HMMR: variants seen among roughly 807,000 people sequenced by gnomAD.
The protein encoded by HMMR is hyaluronan mediated motility receptor, also known as intracellular hyaluronic acid-binding protein.
In HMMR, 108 loss-of-function variants were observed where a neutral mutation model predicts 101.0. That is an observed-to-expected ratio of 1.07 (90% CI 0.92 to 1.25). The LOEUF (loss-of-function observed/expected upper bound fraction) is 1.25. HMMR is among the 50% of genes most tolerant of loss of function. HMMR has a pLI of 0.00. For missense variants in HMMR, 813 were observed against 788.7 expected, an observed-to-expected ratio of 1.03 and a Z score of -0.37; for synonymous variants, 296 against 276.4, an observed-to-expected ratio of 1.07 and a Z score of -0.70.
At chr5:163,486,112 G>T (rs1315274731) in intron 16 of HMMR, among the ~76,000 whole-genome samples, 1 of 152,094 alleles carries the variant, frequency 6.6e-6, no homozygotes, top group Non-Finnish European at 1.5e-5. Flanking sequence ...ATATGGTTTT[G>T]TCTATTCTGG....
At chr5:163,478,860 C>T in intron 12 of HMMR, 60 bp downstream of exon 12, 1 of 905,422 alleles carries the variant, frequency 1.1e-6, no homozygotes, top group Admixed American at 1.7e-5. Flanking sequence ...GGTGTTTACC[C>T]CAGGAAATAT....
chr5:163,475,603 T>C lies in HMMR; in HGVS notation c.1199T>C (p.Val400Ala), dbSNP rs746574332. ...QQKEEQAERL[V>A]KQLEEEAKSR... The stretch of plus-strand genomic sequence containing the variant: ...AAGGAGGAACAAGCTGAAAGGCTGG[T>C]CAAGCAATTGGAAGAGGAAGCAAAA... Residue 400 changes from valine (V) to alanine (A), a missense_variant, in exon 11 of 18, where the codon GTC becomes GCC. Val to Ala is a moderately conservative substitution (Grantham distance 64, BLOSUM62 0). Transcript: ENST00000393915. The C allele has an allele frequency of 8.7e-6, 14 of 1,613,224 alleles. No homozygotes were observed. The South Asian group carries it at 1.4e-4, about 16-fold the overall frequency.
intron 7 of HMMR, among the ~76,000 whole-genome samples, chr5:163,472,070 A>G (rs914053335): frequency 7.7e-5 from 11 of 143,228 alleles, no homozygotes. Flanking sequence ...TTTTTTAGAG[A>G]TGGGGCATTG....
intron 16 of HMMR, among the ~76,000 whole-genome samples, chr5:163,489,941 C>T (rs11135258): frequency 0.049 from 7,427 of 152,278 alleles, 564 homozygotes; most frequent in African/African-American, 0.17. Context: ...TTGGCTTAAA[C>T]ACTGCAGACT....
rs761407177 is a variant in HMMR, at chr5:163,469,806, A to T, written c.439A>T (p.Thr147Ser). 35 of 1,597,668 alleles carry T rather than the reference A, an allele frequency of 2.2e-5. No individual in the cohort carries two copies. The Admixed American group carries it at 5.9e-4, about 27-fold the overall frequency. Reference sequence around the variant, plus strand: ...AAAACAACTTATTGAATTGACCAGGACTAATGAACTACTAAAATCTAAGGT... The same window carrying T: ...AAAACAACTTATTGAATTGACCAGGTCTAATGAACTACTAAAATCTAAGGT... The part of the protein sequence containing the change: ...LEKQLIELTR[T>S]NELLKSKFSE... The change falls in exon 5 of 18, where the codon ACT (threonine) becomes TCT (serine). Residue 147 changes from threonine (T) to serine (S), a missense_variant. Thr to Ser is a moderately conservative substitution (Grantham distance 58). Transcript: ENST00000393915.
chr5:163,468,988 A>C (rs1758783318), intron 4 of HMMR, among the ~76,000 whole-genome samples: 1 of 152,154 alleles, frequency 6.6e-6, no homozygotes. Context: ...TGAAATAAAA[A>C]ACATTTAGCA....
At chr5:163,478,443 C>G (rs1759140859) in intron 11 of HMMR, among the ~76,000 whole-genome samples, 2 of 152,132 alleles carry the variant, frequency 1.3e-5, no homozygotes, top group Non-Finnish European at 2.9e-5. Context: ...ATCCTACTAC[C>G]TTCTTCACCC....
intron 1 of HMMR, among the ~76,000 whole-genome samples, chr5:163,461,546 G>A (rs1200520101): frequency 6.6e-6 from 1 of 152,118 alleles, no homozygotes; most frequent in Non-Finnish European, 1.5e-5. Context: ...TGTAATCCCA[G>A]CACTTTGGGA....
In HMMR at chr5:163,469,831, T is replaced by G; in HGVS notation, c.462+2T>G. ...ACTAATGAACTACTAAAATCTAAGG[T>G]ATCTGAGCCTCATGATAATATTTAC... On this transcript the variant is annotated splice_donor_variant, in intron 5 of 17. Coordinates refer to ENST00000393915, the MANE Select transcript of HMMR (RefSeq NM_001142556.2). LOFTEE classifies it high-confidence loss of function. 3 of 1,556,990 alleles carry G rather than the reference T, an allele frequency of 1.9e-6. No individual in the cohort carries two copies. Among genetic ancestry groups the G allele is most frequent in the Non-Finnish European group, 2.6e-6 (3 of 1,138,130 alleles).
intron 16 of HMMR, 82 bp downstream of exon 16, chr5:163,484,327 C>T (rs1759393495): frequency 1.5e-6 from 1 of 680,468 alleles, no homozygotes; most frequent in South Asian, 2.6e-5. Context: ...AAATGAATAT[C>T]TTTGGTATCA....
chr5:163,464,779 A>G lies in HMMR; in HGVS notation c.202A>G (p.Lys68Glu), dbSNP rs762134723. ...KDTTLPASAR[K>E]VKSSESKKES... ...TACTACCTTGCCTGCTTCAGCTAGA[A>G]AAGTTAAGTCTTCGGAATCAAAGGT... The change falls in exon 3 of 18, where the codon AAA becomes GAA. Residue 68 changes from lysine (K) to glutamate (E), a missense_variant. Physicochemically the swap from Lys to Glu is moderately conservative, Grantham distance 56 (BLOSUM62 1). Transcript: ENST00000393915. 1.2e-6 allele frequency: 2 copies of G among 1,612,366 alleles called. No individual in the cohort carries two copies. Among genetic ancestry groups the G allele is most frequent in the African/African-American group, 2.7e-5 (2 of 74,866 alleles).
intron 12 of HMMR, among the ~76,000 whole-genome samples, chr5:163,481,384 CA>C (rs1293899202): frequency 2.0e-5 from 3 of 151,966 alleles, no homozygotes; most frequent in African/African-American, 7.2e-5. Flanking sequence ...AATAGTGCTT[CA>C]GGGGGTTTTT....
chr5:163,463,833 TTAA>T lies in HMMR; in HGVS notation c.47-21_47-19del. ...ATCATAAGTAACATTAGATAATATATTAATGTTTTCTATTTCCTCTAGGTTGTG... is the reference window on the plus strand; with the variant it reads ...ATCATAAGTAACATTAGATAATATATTGTTTTCTATTTCCTCTAGGTTGTG... On this transcript the variant is annotated intron_variant, in intron 1 of 17. Transcript: ENST00000393915. 1 of 932,582 alleles carries T rather than the reference TTAA, an allele frequency of 1.1e-6. No individual in the cohort carries two copies. The highest frequency in any genetic ancestry group is 1.7e-5 in the African/African-American group (1 of 57,292). 57.8% of individuals were successfully genotyped at this position (932,582 alleles called of 1,614,324 possible). A position where few individuals can be genotyped will look rare whatever the true frequency, so the allele number is the denominator to read the frequency against.
chr5:163,480,899 T>G (rs1436258357), intron 12 of HMMR, among the ~76,000 whole-genome samples: 1 of 152,166 alleles, frequency 6.6e-6, no homozygotes, highest in Non-Finnish European at 1.5e-5. Flanking sequence ...ATTTTCTTTT[T>G]GGTTTCTTCT....
At position 163,473,566 on chromosome 5, in the gene HMMR, G is replaced by GC; in HGVS notation, c.904+9_904+10insC. 6.6e-7 allele frequency: 1 copy of GC among 1,508,220 alleles called. No homozygotes were observed. The highest frequency in any genetic ancestry group is 1.2e-5 in the South Asian group (1 of 80,842). The allele number at this position is 1,508,220 out of a possible 1,614,324, so 93.4% of individuals were successfully genotyped here. A position where few individuals can be genotyped will look rare whatever the true frequency, so the allele number is the denominator to read the frequency against. ...GCTTGAAAAAGAAAAAGGTATTACA[G>GC]TGTTTTATAGTTACTTTGTTTAGAT... On this transcript the variant is annotated intron_variant, in intron 9 of 17. Transcript: ENST00000393915.
At chr5:163,487,764 T>G (rs1759527641) in intron 16 of HMMR, among the ~76,000 whole-genome samples, 1 of 152,112 alleles carries the variant, frequency 6.6e-6, no homozygotes, top group Admixed American at 6.5e-5. Flanking sequence ...TGGCTTCTCT[T>G]TATTTCTGAT....
intron 12 of HMMR, among the ~76,000 whole-genome samples, chr5:163,482,062 T>A (rs1330955012): frequency 6.6e-6 from 1 of 152,118 alleles, no homozygotes; most frequent in Non-Finnish European, 1.5e-5. Flanking sequence ...ATTACAGGTG[T>A]CCACCACCAC....
chr5:163,465,843 C>T (rs995500562), intron 3 of HMMR, among the ~76,000 whole-genome samples: 13 of 151,882 alleles, frequency 8.6e-5, no homozygotes, highest in Admixed American at 6.6e-5. Flanking sequence ...TGCCTGTAGT[C>T]CCAGCTACTT....
intron 11 of HMMR, 24 bp downstream of exon 11, chr5:163,475,696 T>A: frequency 7.8e-7 from 1 of 1,275,248 alleles, no homozygotes. Flanking sequence ...GGATCTCATG[T>A]TTATGTATGA....
Sources: allele counts gnomAD v4.1 joint callset (sites outside exome capture counted in the v4.1 genomes callset), GRCh38; gene constraint gnomAD v4.1.1; transcripts MANE v1.5; gene names NCBI Gene and HGNC (gene_info 2026-07-23, HGNC 2026-07-21).